ABLIM1: variants seen among roughly 807,000 people sequenced by gnomAD.
The protein encoded by ABLIM1 is actin binding LIM protein 1, also known as actin-binding LIM protein 1.
A neutral mutation model predicts 107.0 loss-of-function variants in ABLIM1; 40 were observed. The observed-to-expected ratio is 0.37, with a 90% CI of 0.29 to 0.49. The LOEUF is 0.49. Ranked by LOEUF, ABLIM1 falls within the 20% of genes least tolerant of loss-of-function variation. The pLI, the probability that ABLIM1 is intolerant of heterozygous loss-of-function variation, is 0.97. For synonymous variants in ABLIM1, 357 were observed against 357.3 expected (o/e 1.00, Z 0.01); for missense variants, 857 against 1,008.5 (o/e 0.85, Z 2.04).
intron 1 of ABLIM1, among the ~76,000 whole-genome samples, chr10:114,644,142 A>G (rs533321479): frequency 0.069 from 10,336 of 149,304 alleles, 431 homozygotes; most frequent in South Asian, 0.12. Context: ...TTAGCTGGGC[A>G]TGGTGGCGGG....
chr10:114,656,862 A>G (rs1490377753), intron 1 of ABLIM1, among the ~76,000 whole-genome samples: 2 of 152,236 alleles, frequency 1.3e-5, no homozygotes, highest in Non-Finnish European at 2.9e-5. Flanking sequence ...TGAAATATCC[A>G]GAATAGGGAA....
chr10:114,795,231 C>CTGGCA, the ABLIM1 span, among the ~76,000 whole-genome samples: 2 of 152,224 alleles, frequency 1.3e-5, no homozygotes, highest in Non-Finnish European at 2.9e-5. Context: ...AAGTGCCTTT[C>CTGGCA]TGGCAGTCTG....
chr10:114,575,402 A>C lies in ABLIM1; in HGVS notation c.563+14T>G. ...GGAGGAAGGTGTAGGCTTTGGAAAG[A>C]TAGGCTCACTTACTTGCAGATAGTA... On this transcript the variant is annotated intron_variant, in intron 3 of 22. Coordinates refer to ENST00000533213, the MANE Select transcript of ABLIM1 (RefSeq NM_002313.7). The C allele has an allele frequency of 6.2e-7, 1 of 1,612,046 alleles. No homozygotes were observed. Among genetic ancestry groups the C allele is most frequent in the Non-Finnish European group, 8.5e-7 (1 of 1,178,854 alleles).
intron 1 of ABLIM1, among the ~76,000 whole-genome samples, chr10:114,708,505 C>G (rs1247098381): frequency 1.3e-5 from 2 of 151,920 alleles, no homozygotes; most frequent in Non-Finnish European, 2.9e-5. Context: ...GACATGACAC[C>G]CATTAAAGTA....
intron 1 of ABLIM1, chr10:114,767,990 GC>G (rs986632027): frequency 1.7e-4 from 69 of 410,732 alleles, no homozygotes; most frequent in East Asian, 1.0e-3. Context: ...GGCTGTCGCA[GC>G]CCCCCCGCCC....
intron 10 of ABLIM1, among the ~76,000 whole-genome samples, chr10:114,469,369 G>A (rs1308393244): frequency 6.6e-6 from 1 of 152,136 alleles, no homozygotes; most frequent in Non-Finnish European, 1.5e-5. Flanking sequence ...ATTCACCTCT[G>A]GCTTCCATCC....
intron 1 of ABLIM1, among the ~76,000 whole-genome samples, chr10:114,714,097 A>G (rs2081610037): frequency 6.6e-6 from 1 of 152,228 alleles, no homozygotes; most frequent in African/African-American, 2.4e-5. Context: ...CATCCTTCCC[A>G]AAAGAACACT....
chr10:114,590,128 T>C (rs530633247), intron 2 of ABLIM1, among the ~76,000 whole-genome samples: 1 of 152,218 alleles, frequency 6.6e-6, no homozygotes, highest in South Asian at 2.1e-4. Flanking sequence ...TAACATGCTA[T>C]ACAGCTTCAT....
intron 12 of ABLIM1, among the ~76,000 whole-genome samples, chr10:114,464,572 C>A (rs1310698293): frequency 6.6e-6 from 1 of 151,910 alleles, no homozygotes; most frequent in Non-Finnish European, 1.5e-5. Context: ...AATATAATAG[C>A]CCATGAAATA....
chr10:114,663,392 G>T (rs919017782), intron 1 of ABLIM1, among the ~76,000 whole-genome samples: 11 of 152,166 alleles, frequency 7.2e-5, no homozygotes, highest in African/African-American at 2.7e-4. Context: ...CCTTGCCTTT[G>T]TCACCCTGTT....
At chr10:114,753,597 T>C (rs1182884425) in intron 1 of ABLIM1, among the ~76,000 whole-genome samples, 2 of 152,202 alleles carry the variant, frequency 1.3e-5, no homozygotes, top group Admixed American at 6.5e-5. Context: ...GCAGCTTTTT[T>C]TTCTTTTCAG....
At position 114,436,385 on chromosome 10, in the gene ABLIM1, A is replaced by C. The variant is rs368674967; in HGVS notation, c.2224-12T>G. On this transcript the variant is annotated splice_polypyrimidine_tract_variant and intron_variant, in intron 22 of 22. Transcript: ENST00000533213. ...GGGGCTAAGTGGCGCTGGGAAGAAGAAAAAAAAAAAAGAGCTGCTGTCAGT... is the reference window on the plus strand; with the variant it reads ...GGGGCTAAGTGGCGCTGGGAAGAAGCAAAAAAAAAAAGAGCTGCTGTCAGT... 5.3e-5 allele frequency: 33 copies of C among 626,288 alleles called. No individual in the cohort carries two copies. In the African/African-American group the frequency reaches 5.6e-4, roughly 11 times the overall value. 38.8% of individuals were successfully genotyped at this position (626,288 alleles called of 1,614,324 possible).
At chr10:114,692,792 AG>A (rs2081110122) in intron 1 of ABLIM1, among the ~76,000 whole-genome samples, 1 of 152,206 alleles carries the variant, frequency 6.6e-6, no homozygotes, top group African/African-American at 2.4e-5. Context: ...CAGGAGGCTG[AG>A]GCAGGAGAAT....
At chr10:114,789,888 G>T in the ABLIM1 span, among the ~76,000 whole-genome samples, 24 of 152,172 alleles carry the variant, frequency 1.6e-4, no homozygotes, top group African/African-American at 5.8e-4. Context: ...CACTTCCTGG[G>T]TTCAAGCGAT....
intron 4 of ABLIM1, 42 bp from the exon 5 acceptor site, chr10:114,547,818 T>G: frequency 6.3e-7 from 1 of 1,593,456 alleles, no homozygotes; most frequent in East Asian, 2.2e-5. Flanking sequence ...ACATTTCCTT[T>G]GCTAAATCCA....
At chr10:114,575,026 C>A (rs923698850) in intron 3 of ABLIM1, among the ~76,000 whole-genome samples, 3 of 152,116 alleles carry the variant, frequency 2.0e-5, no homozygotes, top group African/African-American at 7.2e-5. Flanking sequence ...CACAGTTTGC[C>A]ACCGCCTATT....
intron 6 of ABLIM1, 49 bp from the exon 7 acceptor site, chr10:114,491,927 T>A (rs12784116): frequency 0.28 from 386,470 of 1,401,278 alleles, 56,995 homozygotes; most frequent in Non-Finnish European, 0.3. Context: ...TGTCATGGAT[T>A]CCAGAATCTT....
At chr10:114,765,223 T>G (rs938444926) in intron 1 of ABLIM1, among the ~76,000 whole-genome samples, 1 of 152,040 alleles carries the variant, frequency 6.6e-6, no homozygotes, top group Non-Finnish European at 1.5e-5. Flanking sequence ...ATTTTTGTAT[T>G]TTTAGTAGAG....
the ABLIM1 span, among the ~76,000 whole-genome samples, chr10:114,790,404 GT>G: frequency 6.6e-6 from 1 of 151,852 alleles, no homozygotes; most frequent in Non-Finnish European, 1.5e-5. Context: ...ATTGGAAATT[GT>G]ATTTCCTGTT....
Sources: allele counts gnomAD v4.1 joint callset (sites outside exome capture counted in the v4.1 genomes callset), GRCh38; gene constraint gnomAD v4.1.1; transcripts MANE v1.5; gene names NCBI Gene and HGNC (gene_info 2026-07-23, HGNC 2026-07-21).